NTM: variants seen among roughly 807,000 people sequenced by gnomAD.
NTM encodes neurotrimin.
Under a neutral mutation model 42.1 loss-of-function variants are expected in NTM, and 13 were observed. The observed-to-expected ratio is 0.31, with a 90% CI of 0.20 to 0.49. NTM has a LOEUF of 0.49. NTM is among the 20% of genes least tolerant of loss of function. The pLI is 0.99. For missense variants in NTM, 373 were observed against 452.8 expected (o/e 0.82, Z 1.60); for synonymous variants, 187 against 179.2 (o/e 1.04, Z -0.35).
intron 1 of NTM, among the ~76,000 whole-genome samples, chr11:131,847,404 C>G (rs1032515806): frequency 3.3e-5 from 5 of 151,864 alleles, no homozygotes; most frequent in African/African-American, 1.2e-4. Context: ...GATGGTAAAG[C>G]AGGGAATGAG....
chr11:132,267,388 A>T (rs1001360813), intron 4 of NTM, among the ~76,000 whole-genome samples: 1 of 152,106 alleles, frequency 6.6e-6, no homozygotes, highest in African/African-American at 2.4e-5. Context: ...AATCTACTGA[A>T]ATTTACGTAT....
At chr11:131,664,800 T>C (rs999790892) in intron 1 of NTM, among the ~76,000 whole-genome samples, 1 of 146,962 alleles carries the variant, frequency 6.8e-6, no homozygotes, top group Non-Finnish European at 1.5e-5. Context: ...ATTTCCTTTT[T>C]CTGGCAACAT....
At chr11:132,186,641 C>G (rs1469686557) in intron 3 of NTM, among the ~76,000 whole-genome samples, 3 of 152,086 alleles carry the variant, frequency 2.0e-5, no homozygotes, top group Non-Finnish European at 4.4e-5. Context: ...TGCAGCCATT[C>G]CTCCTATTTT....
intron 1 of NTM, among the ~76,000 whole-genome samples, chr11:131,505,523 AC>A (rs2047376878): frequency 6.6e-6 from 1 of 151,994 alleles, no homozygotes; most frequent in South Asian, 2.1e-4. Flanking sequence ...GCGATTATTT[AC>A]CCCCTTTTCA....
chr11:132,335,729 CT>C lies in NTM; in HGVS notation c.*597del, dbSNP rs111313978. On this transcript the variant is annotated 3_prime_UTR_variant, in exon 9 of 9. Transcript: ENST00000683400. ...ACAAGTCACAAAAGATACCGTTAAA[CT>C]TTTTTTTTTTTTTATCATTTTACTA... The C allele has an allele frequency of 0.021, 3,027 of 144,608 alleles. 81 individuals carry two copies. The highest frequency in any genetic ancestry group is 0.061 in the African/African-American group (2,429 of 39,728). 9.0% of individuals were successfully genotyped at this position (144,608 alleles called of 1,614,324 possible).
intron 1 of NTM, among the ~76,000 whole-genome samples, chr11:131,621,518 G>A (rs1365198830): frequency 6.6e-6 from 1 of 151,748 alleles, no homozygotes; most frequent in African/African-American, 2.4e-5. Flanking sequence ...GGAAGCTACA[G>A]GCCTGGATTA....
chr11:131,838,451 T>C lies in NTM; in HGVS notation c.83-73113T>C, dbSNP rs183876136. 6.6e-5 allele frequency among the ~76,000 whole-genome samples: 10 copies of C among 152,334 alleles called. No individual in the cohort carries two copies. In the East Asian group the frequency reaches 1.9e-3, roughly 29 times the overall value. ...ATAGTGGATTCAATTCCTGATGTCA[T>C]GTATTAGTTGTGTTGCAAATTGCTA... On this transcript the variant is annotated intron_variant, in intron 1 of 8. Transcript: ENST00000683400.
At chr11:132,246,633 GGAGT>G (rs1408238956) in intron 4 of NTM, among the ~76,000 whole-genome samples, 1 of 152,208 alleles carries the variant, frequency 6.6e-6, no homozygotes, top group Admixed American at 6.5e-5. Context: ...CCTGCGGTGA[GGAGT>G]GAGTTGAGAG....
intron 1 of NTM, among the ~76,000 whole-genome samples, chr11:131,852,675 C>T (rs1002158297): frequency 2.0e-5 from 3 of 152,222 alleles, no homozygotes; most frequent in Admixed American, 6.5e-5. Flanking sequence ...TGGAATAGAT[C>T]AGCTCACTTT....
At chr11:132,317,818 G>C (rs972996705) in intron 7 of NTM, 1 of 446,266 alleles carries the variant, frequency 2.2e-6, no homozygotes, top group East Asian at 7.3e-5. Context: ...GGCTATTGAA[G>C]GAGGTGATTG....
chr11:132,120,614 C>G (rs919292064), intron 2 of NTM, among the ~76,000 whole-genome samples: 1 of 152,206 alleles, frequency 6.6e-6, no homozygotes, highest in African/African-American at 2.4e-5. Flanking sequence ...GATAAATCAT[C>G]TATGTTGCTG....
At chr11:131,575,342 C>A (rs78581788) in intron 1 of NTM, among the ~76,000 whole-genome samples, 1 of 152,186 alleles carries the variant, frequency 6.6e-6, no homozygotes, top group Non-Finnish European at 1.5e-5. Context: ...AGTACACTTA[C>A]AGTATATGTC....
intron 2 of NTM, among the ~76,000 whole-genome samples, chr11:131,971,133 C>G (rs2063476747): frequency 1.3e-5 from 2 of 152,192 alleles, no homozygotes; most frequent in Admixed American, 6.5e-5. Context: ...GTCTAAATAG[C>G]TGCCATATTG....
chr11:131,470,116 A>G (rs1952291361), intron 1 of NTM, among the ~76,000 whole-genome samples: 2 of 152,192 alleles, frequency 1.3e-5, no homozygotes, highest in Non-Finnish European at 2.9e-5. Flanking sequence ...CTCATTTCAT[A>G]TGATAGTATG....
At chr11:132,275,937 T>C (rs2093709387) in intron 4 of NTM, among the ~76,000 whole-genome samples, 1 of 151,930 alleles carries the variant, frequency 6.6e-6, no homozygotes, top group African/African-American at 2.4e-5. Flanking sequence ...AATGTATTTT[T>C]CTTGTCTAAT....
intron 2 of NTM, among the ~76,000 whole-genome samples, chr11:131,959,008 G>A (rs568639768): frequency 6.6e-6 from 1 of 152,272 alleles, no homozygotes; most frequent in Non-Finnish European, 1.5e-5. Context: ...AGACTCCAGG[G>A]TCAGAGATAA....
chr11:132,317,561 G>A (rs552506946), intron 7 of NTM: 3 of 625,126 alleles, frequency 4.8e-6, no homozygotes, highest in South Asian at 1.8e-5. Flanking sequence ...GTGAAAGGCA[G>A]TATACAAACT....
chr11:132,167,896 C>T (rs2075527285), intron 3 of NTM, among the ~76,000 whole-genome samples: 1 of 152,158 alleles, frequency 6.6e-6, no homozygotes, highest in African/African-American at 2.4e-5. Flanking sequence ...TAGGATGAAG[C>T]CTGTTTTGCC....
chr11:131,429,095 T>C (rs989972619), intron 1 of NTM, among the ~76,000 whole-genome samples: 1 of 151,940 alleles, frequency 6.6e-6, no homozygotes, highest in African/African-American at 2.4e-5. Flanking sequence ...AGGTGAGTCA[T>C]AAAAGTATAT....
Sources: gnomAD v4.1 joint callset for allele counts (sites outside exome capture counted in the v4.1 genomes callset) on GRCh38, gnomAD v4.1.1 for gene constraint, MANE v1.5 for transcripts, NCBI Gene and HGNC (gene_info 2026-07-23, HGNC 2026-07-21) for gene names.